Variants in GRIA1 observed in about 807,000 individuals in gnomAD.
The protein encoded by GRIA1 is glutamate receptor 1.
GRIA1 carries 31 observed loss-of-function variants against 99.2 expected under a neutral mutation model. The ratio of observed to expected loss-of-function variants is 0.31; its 90% confidence interval spans 0.23 to 0.42. The LOEUF is 0.42. Among genes scored for constraint, GRIA1 ranks in the 10% least tolerant of loss-of-function variants. GRIA1 has a pLI of 1.00. For synonymous variants in GRIA1, 438 were observed against 432.4 expected (o/e 1.01, Z -0.16); for missense variants, 782 against 1,157.5 (o/e 0.68, Z 4.71).
chr5:153,670,068 G>A (rs951572993), intron 5 of GRIA1, among the ~76,000 whole-genome samples: 2 of 152,162 alleles, frequency 1.3e-5, no homozygotes, highest in Admixed American at 6.5e-5. Flanking sequence ...TTGCAAAAGT[G>A]CCTCAAGGTA....
intron 2 of GRIA1, among the ~76,000 whole-genome samples, chr5:153,612,048 T>A (rs181924905): frequency 6.6e-6 from 1 of 152,368 alleles, no homozygotes; most frequent in East Asian, 1.9e-4. Context: ...GAATGCTTGC[T>A]TTGTCTGCCT....
At chr5:153,749,681 T>C (rs563692288) in intron 11 of GRIA1, among the ~76,000 whole-genome samples, 1 of 152,068 alleles carries the variant, frequency 6.6e-6, no homozygotes, top group African/African-American at 2.4e-5. Context: ...AGGCCCCACC[T>C]CCAACACTGG....
intron 4 of GRIA1, among the ~76,000 whole-genome samples, chr5:153,653,962 T>C (rs1468547350): frequency 6.6e-6 from 1 of 152,198 alleles, no homozygotes; most frequent in Non-Finnish European, 1.5e-5. Context: ...GCATTGGGAA[T>C]GAGCTTTGAA....
chr5:153,669,475 C>T (rs1755989087), intron 5 of GRIA1, among the ~76,000 whole-genome samples: 1 of 152,242 alleles, frequency 6.6e-6, no homozygotes, highest in East Asian at 1.9e-4. Context: ...TCTTAAAAGA[C>T]CATAACAAAG....
chr5:153,722,496 G>C (rs1047497445), intron 11 of GRIA1, among the ~76,000 whole-genome samples: 2 of 152,132 alleles, frequency 1.3e-5, no homozygotes, highest in Admixed American at 1.3e-4. Flanking sequence ...GTGAGAGAGA[G>C]GGTCAAGATT....
chr5:153,614,368 A>T (rs1006429218), intron 2 of GRIA1, among the ~76,000 whole-genome samples: 2 of 152,194 alleles, frequency 1.3e-5, no homozygotes, highest in Non-Finnish European at 2.9e-5. Context: ...TCATAAAGTG[A>T]CAGTATCTAA....
In GRIA1 at chr5:153,704,529, C is replaced by A. The variant is rs114782250; in HGVS notation, c.1453-1168C>A. Among the ~76,000 whole-genome samples, 455 of 152,278 alleles carry A rather than the reference C, an allele frequency of 3.0e-3. 4 individuals are homozygous for A. The highest frequency in any genetic ancestry group is 0.01 in the African/African-American group (421 of 41,548). ...CCTAAGGATGAATATTTCTTGCAAC[C>A]TTTTTATGTTTATCTGCATGCTGGA... On this transcript the variant is annotated intron_variant, in intron 10 of 15. Coordinates refer to ENST00000285900, the MANE Select transcript of GRIA1 (RefSeq NM_000827.4).
chr5:153,580,806 G>A (rs1246035611), intron 2 of GRIA1, among the ~76,000 whole-genome samples: 1 of 152,172 alleles, frequency 6.6e-6, no homozygotes, highest in Non-Finnish European at 1.5e-5. Flanking sequence ...GAGAGCCACT[G>A]TCTGCTGCTC....
At chr5:153,648,748 A>G (rs938424803) in intron 3 of GRIA1, among the ~76,000 whole-genome samples, 1 of 152,186 alleles carries the variant, frequency 6.6e-6, no homozygotes, top group African/African-American at 2.4e-5. Flanking sequence ...GGAAGAGGTT[A>G]ACTGTGTTAC....
In GRIA1 at chr5:153,628,244, G is replaced by A. The variant is rs528098481; in HGVS notation, c.221-18684G>A. Among the ~76,000 whole-genome samples, 6 of 152,190 alleles carry A rather than the reference G, an allele frequency of 3.9e-5. No homozygotes were observed. The South Asian group carries it at 1.2e-3, about 32-fold the overall frequency. ...GGATTGGAATGAGAGATAGAGCAGT[G>A]ATGAGATTCTGCTCATCACAGGGGA... On this transcript the variant is annotated intron_variant, in intron 2 of 15. Coordinates refer to ENST00000285900, the MANE Select transcript of GRIA1 (RefSeq NM_000827.4).
Position 153,784,726 on chromosome 5 carries a change from G to A in GRIA1, c.2271-9895G>A, listed in dbSNP as rs192472447. Among the ~76,000 whole-genome samples, 122 of 152,246 alleles carry A rather than the reference G, an allele frequency of 8.0e-4. 1 individual carries two copies. Among genetic ancestry groups the A allele is most frequent in the East Asian group, 6.8e-3 (35 of 5,174 alleles). ...CATCACCCCAACCTCCTGAGTCAGC[G>A]GAGTCCTATGGGGTCTGAGTTGTCT... On this transcript the variant is annotated intron_variant, in intron 13 of 15. Transcript: ENST00000285900.
At chr5:153,726,967 C>G (rs1760585940) in intron 11 of GRIA1, among the ~76,000 whole-genome samples, 1 of 152,178 alleles carries the variant, frequency 6.6e-6, no homozygotes, top group African/African-American at 2.4e-5. Flanking sequence ...CCTTGATGAA[C>G]ATTGATGCAA....
chr5:153,505,206 C>G (rs1251224748), intron 2 of GRIA1, among the ~76,000 whole-genome samples: 1 of 152,162 alleles, frequency 6.6e-6, no homozygotes, highest in Admixed American at 6.5e-5. Flanking sequence ...AGGCACAAGA[C>G]TGTAATGATT....
At chr5:153,539,891 T>G (rs1758908352) in intron 2 of GRIA1, among the ~76,000 whole-genome samples, 2 of 152,204 alleles carry the variant, frequency 1.3e-5, no homozygotes, top group African/African-American at 4.8e-5. Context: ...CAGCAGCAAC[T>G]TACAGTGTAA....
intron 2 of GRIA1, among the ~76,000 whole-genome samples, chr5:153,591,075 T>C (rs541172706): frequency 1.0e-3 from 155 of 152,302 alleles, no homozygotes; most frequent in Middle Eastern, 3.4e-3. Context: ...CAAACAGAGA[T>C]ACACAATTTT....
At chr5:153,712,610 A>G (rs1247854231) in intron 11 of GRIA1, among the ~76,000 whole-genome samples, 1 of 129,586 alleles carries the variant, frequency 7.7e-6, no homozygotes, top group East Asian at 2.0e-4. Context: ...TATTGTGGGG[A>G]AGAGAAAGAG....
At chr5:153,586,274 C>CAAGA (rs1235044737) in intron 2 of GRIA1, among the ~76,000 whole-genome samples, 2 of 152,002 alleles carry the variant, frequency 1.3e-5, no homozygotes, top group Non-Finnish European at 2.9e-5. Flanking sequence ...GGAACAGGGC[C>CAAGA]AAGAATATGA....
At chr5:153,787,656 A>C (rs1765046958) in intron 13 of GRIA1, among the ~76,000 whole-genome samples, 1 of 152,204 alleles carries the variant, frequency 6.6e-6, no homozygotes, top group African/African-American at 2.4e-5. Context: ...CCATCCGTAT[A>C]TGAATGCTTT....
intron 11 of GRIA1, among the ~76,000 whole-genome samples, chr5:153,741,918 A>AAAC (rs1181181420): frequency 8.9e-5 from 13 of 145,770 alleles, no homozygotes; most frequent in African/African-American, 3.3e-4. Context: ...TTAACGTATA[A>AAAC]AACTAAAGCT....
Sources: allele counts gnomAD v4.1 joint callset (sites outside exome capture counted in the v4.1 genomes callset), GRCh38; gene constraint gnomAD v4.1.1; transcripts MANE v1.5; gene names NCBI Gene and HGNC (gene_info 2026-07-23, HGNC 2026-07-21).